HSF2BP: variants seen among roughly 807,000 people sequenced by gnomAD.
HSF2BP encodes the protein heat shock factor 2-binding protein.
HSF2BP carries 35 observed loss-of-function variants against 35.0 expected under a neutral mutation model. That is an observed-to-expected ratio of 1.00 (90% confidence interval 0.76 to 1.32). HSF2BP has a LOEUF of 1.32. HSF2BP is among the 40% of genes most tolerant of loss of function. HSF2BP has a pLI of 0.00. For synonymous variants in HSF2BP, 114 were observed against 117.4 expected (o/e 0.97, Z 0.18); for missense variants, 326 against 321.7 (o/e 1.01, Z -0.10).
intron 6 of HSF2BP, among the ~76,000 whole-genome samples, chr21:43,622,815 A>C (rs753456290): frequency 2.0e-5 from 3 of 152,202 alleles, no homozygotes; most frequent in Non-Finnish European, 4.4e-5. Context: ...TACACACTAG[A>C]CCAAATAGAC....
chr21:43,613,848 T>C lies in HSF2BP; in HGVS notation c.674A>G (p.Gln225Arg). 6.2e-7 allele frequency: 1 copy of C among 1,612,730 alleles called. No individual in the cohort carries two copies. Among genetic ancestry groups the C allele is most frequent in the Non-Finnish European group, 8.5e-7 (1 of 1,178,748 alleles). Reference protein sequence around the residue: ...LQLLGDLKPGQCTKLKVLMLM... With the variant: ...LQLLGDLKPGRCTKLKVLMLM... ...ACCATACACTTTGAGTTTGGTACAC[T>C]GTCCTGGCTTCAAGTCTCCCAGAAG... is the stretch of plus-strand genomic sequence containing the variant. Residue 225 changes from glutamine to arginine, a missense_variant, in exon 7 of 9, where the codon CAG becomes CGG. Transcript: ENST00000291560.
chr21:43,468,118 CCACAA>C, the HSF2BP span, among the ~76,000 whole-genome samples: 1 of 136,248 alleles, frequency 7.3e-6, no homozygotes, highest in Non-Finnish European at 1.6e-5. Context: ...ACCACACACA[CCACAA>C]ACCACACACA....
chr21:43,652,145 G>A (rs1267702475), intron 3 of HSF2BP, among the ~76,000 whole-genome samples: 1 of 152,208 alleles, frequency 6.6e-6, no homozygotes, highest in Non-Finnish European at 1.5e-5. Flanking sequence ...ACTCATGCCT[G>A]TAATTCCAGC....
intron 8 of HSF2BP, among the ~76,000 whole-genome samples, chr21:43,587,326 T>C (rs767219924): frequency 2.2e-4 from 34 of 152,202 alleles, no homozygotes; most frequent in Admixed American, 7.2e-4. Flanking sequence ...GGGGTTGGGC[T>C]GTGCTCACTG....
At chr21:43,596,886 CAA>C (rs869038891) in intron 7 of HSF2BP, among the ~76,000 whole-genome samples, 9 of 30,640 alleles carry the variant, frequency 2.9e-4, no homozygotes, top group Admixed American at 3.8e-4. Context: ...GACCCTGTCT[CAA>C]AAAAAAAAAA....
chr21:43,572,248 T>C (rs1008940839), intron 8 of HSF2BP, among the ~76,000 whole-genome samples: 1 of 152,116 alleles, frequency 6.6e-6, no homozygotes, highest in African/African-American at 2.4e-5. Flanking sequence ...GGGAGGTCCA[T>C]GTGAAGGAAA....
Position 43,597,893 on chromosome 21 carries a change from G to C in HSF2BP, c.693-5565C>G, listed in dbSNP as rs2082005206. 6.6e-6 allele frequency among the ~76,000 whole-genome samples: 1 copy of C among 152,202 alleles called. No individual in the cohort carries two copies. Among genetic ancestry groups the C allele is most frequent in the South Asian group, 2.1e-4 (1 of 4,836 alleles). On this transcript the variant is annotated intron_variant, in intron 7 of 8. Transcript: ENST00000291560. This position sits in a 1 kb window ranked among gnomAD's most constrained non-coding sequence, Gnocchi z 4.3. ...AGGAAAAATCAGTAATACTGACCAA[G>C]TCCATTATAAAGGGACTAACTAAAT... is the stretch of plus-strand genomic sequence containing the variant.
At chr21:43,599,074 T>A (rs530284412) in intron 7 of HSF2BP, among the ~76,000 whole-genome samples, 3 of 152,362 alleles carry the variant, frequency 2.0e-5, no homozygotes, top group African/African-American at 7.2e-5. Flanking sequence ...AGCTAGCATC[T>A]GGTAATAACT....
intron 6 of HSF2BP, among the ~76,000 whole-genome samples, chr21:43,626,041 C>A (rs912427065): frequency 1.3e-5 from 2 of 152,312 alleles, no homozygotes; most frequent in Admixed American, 6.5e-5. Context: ...TAAAAGACAA[C>A]CTTCAAACAA....
chr21:43,626,747 A>G (rs78992165), intron 6 of HSF2BP, among the ~76,000 whole-genome samples: 4,514 of 152,274 alleles, frequency 0.03, 241 homozygotes, highest in African/African-American at 0.1. Context: ...GTACTTAGTC[A>G]TATTTTCTGA....
chr21:43,571,855 C>T (rs1296944911), intron 8 of HSF2BP, among the ~76,000 whole-genome samples: 9 of 141,326 alleles, frequency 6.4e-5, no homozygotes, highest in Non-Finnish European at 1.2e-4. Flanking sequence ...GAGCCCCTTC[C>T]GGTTTTCAGT....
intron 8 of HSF2BP, among the ~76,000 whole-genome samples, chr21:43,576,888 A>G (rs2081650889): frequency 6.6e-6 from 1 of 152,224 alleles, no homozygotes; most frequent in Non-Finnish European, 1.5e-5. Context: ...CAGCTAAACC[A>G]TGTGAAATTG....
chr21:43,580,558 A>T (rs1255836047), intron 8 of HSF2BP, among the ~76,000 whole-genome samples: 1 of 152,250 alleles, frequency 6.6e-6, no homozygotes, highest in East Asian at 1.9e-4. Flanking sequence ...CCTTTGTTCT[A>T]TTGGACATTC....
chr21:43,636,295 T>G, intron 4 of HSF2BP, among the ~76,000 whole-genome samples: 1 of 149,936 alleles, frequency 6.7e-6, no homozygotes, highest in African/African-American at 2.4e-5. Context: ...AAAAAGAGAA[T>G]CATAAACATA....
chr21:43,607,289 CAAA>C (rs751689164), intron 7 of HSF2BP, among the ~76,000 whole-genome samples: 8 of 93,798 alleles, frequency 8.5e-5, no homozygotes, highest in Non-Finnish European at 6.7e-5. Context: ...GACCCTGTCT[CAAA>C]AAAAAAAAAA....
intron 3 of HSF2BP, among the ~76,000 whole-genome samples, chr21:43,653,941 T>A (rs2082831391): frequency 6.6e-6 from 1 of 151,950 alleles, no homozygotes; most frequent in Non-Finnish European, 1.5e-5. Context: ...TGGGTGTTGG[T>A]GCTCTGGGGA....
At chr21:43,629,014 T>A (rs1204013170) in intron 6 of HSF2BP, among the ~76,000 whole-genome samples, 2 of 152,350 alleles carry the variant, frequency 1.3e-5, no homozygotes, top group East Asian at 3.9e-4. Context: ...CTACTGTTCA[T>A]TGACAATGCA....
chr21:43,572,647 C>T (rs921024594), intron 8 of HSF2BP, among the ~76,000 whole-genome samples: 2 of 152,348 alleles, frequency 1.3e-5, no homozygotes, highest in East Asian at 1.9e-4. Flanking sequence ...AGGACAAGGA[C>T]GAGTGCTGCT....
chr21:43,605,741 TC>T (rs35449035), intron 7 of HSF2BP, among the ~76,000 whole-genome samples: 88,062 of 147,208 alleles, frequency 0.6, 26,116 homozygotes, highest in East Asian at 0.79. Flanking sequence ...GACACCCACC[TC>T]CCCCCAACAT....
Sources: gnomAD v4.1 joint callset for allele counts (sites outside exome capture counted in the v4.1 genomes callset) on GRCh38, gnomAD v4.1.1 for gene constraint, Gnocchi (gnomAD v3.1) non-coding constraint, MANE v1.5 for transcripts, NCBI Gene and HGNC (gene_info 2026-07-23, HGNC 2026-07-21) for gene names.